SOX5: variants seen among roughly 807,000 people sequenced by gnomAD.
The protein encoded by SOX5 is SRY-box transcription factor 5, also known as transcription factor SOX-5.
SOX5 carries 9 observed loss-of-function variants against 92.0 expected under a neutral mutation model. That is an observed-to-expected ratio of 0.10 (90% confidence interval 0.06 to 0.17). The LOEUF (loss-of-function observed/expected upper bound fraction) is 0.17. SOX5 is among the 10% of genes least tolerant of loss of function. The probability of loss-of-function intolerance (pLI) is 1.00; values close to 1 mark genes in which losing one functional copy is unlikely to be tolerated. For missense variants in SOX5, 642 were observed against 944.5 expected (o/e 0.68, Z 4.20); for synonymous variants, 344 against 336.3 (o/e 1.02, Z -0.25).
intron 3 of SOX5, among the ~76,000 whole-genome samples, chr12:23,839,832 A>G (rs2096489748): frequency 6.6e-6 from 1 of 151,534 alleles, no homozygotes; most frequent in South Asian, 2.1e-4. Flanking sequence ...ACTTGGTAAA[A>G]AAAAAAAAAA....
At chr12:24,192,433 G>A (rs1365542581) in intron 4 of SOX5, among the ~76,000 whole-genome samples, 2 of 152,132 alleles carry the variant, frequency 1.3e-5, no homozygotes, top group Non-Finnish European at 2.9e-5. Flanking sequence ...TTCTGAACCA[G>A]ATGAAGTATC....
chr12:24,212,277 A>C (rs959143359), intron 4 of SOX5: 1 of 466,948 alleles, frequency 2.1e-6, no homozygotes, highest in African/African-American at 2.0e-5. Flanking sequence ...ATGCTAAAAC[A>C]TAACAAAATC....
At chr12:23,990,535 C>T (rs1395613919) in intron 4 of SOX5, among the ~76,000 whole-genome samples, 4 of 151,190 alleles carry the variant, frequency 2.6e-5, no homozygotes, top group Non-Finnish European at 5.9e-5. Context: ...AAAACTGCAT[C>T]GCATTCTCTG....
intron 4 of SOX5, among the ~76,000 whole-genome samples, chr12:23,963,488 C>T (rs1294790995): frequency 6.6e-6 from 1 of 152,054 alleles, no homozygotes. Flanking sequence ...GGGGAATGTC[C>T]TTGATCCTTG....
intron 2 of SOX5, among the ~76,000 whole-genome samples, chr12:24,288,912 C>T (rs948457831): frequency 1.7e-5 from 2 of 120,028 alleles, no homozygotes; most frequent in Non-Finnish European, 3.5e-5. Context: ...TTATTCTTTG[C>T]CACAGTTCAT....
At chr12:23,797,217 G>A (rs1317501285) in intron 3 of SOX5, among the ~76,000 whole-genome samples, 1 of 151,802 alleles carries the variant, frequency 6.6e-6, no homozygotes, top group African/African-American at 2.4e-5. Context: ...TTCAGACTAG[G>A]TATTGGTACA....
intron 1 of SOX5, among the ~76,000 whole-genome samples, chr12:24,419,776 G>A (rs958166647): frequency 2.0e-5 from 3 of 152,116 alleles, no homozygotes; most frequent in Non-Finnish European, 4.4e-5. Flanking sequence ...ACTTCTAAGG[G>A]AGTTACTGTA....
chr12:24,315,256 A>G (rs1166261459), intron 2 of SOX5, among the ~76,000 whole-genome samples: 1 of 152,250 alleles, frequency 6.6e-6, no homozygotes, highest in Non-Finnish European at 1.5e-5. Flanking sequence ...TGTAAAAAAT[A>G]GCTACAAAAT....
intron 4 of SOX5, among the ~76,000 whole-genome samples, chr12:24,063,657 C>T (rs1229734661): frequency 6.6e-6 from 1 of 152,166 alleles, no homozygotes; most frequent in Non-Finnish European, 1.5e-5. Context: ...ACAACCTTTA[C>T]ACAGATTGAG....
At position 24,014,580 on chromosome 12, in the gene SOX5, A is replaced by G. The variant is rs562644755; in HGVS notation, c.-1-118556T>C. Reference sequence around the variant, plus strand: ...ATGCAACTTGAATTGAGTAGTTAATAAGCCTTGATCTTGAGTGGATTCAAT... The same window carrying G: ...ATGCAACTTGAATTGAGTAGTTAATGAGCCTTGATCTTGAGTGGATTCAAT... On this transcript the variant is annotated intron_variant, in intron 4 of 4. Coordinates refer to the SOX5 transcript ENST00000446891. Among the ~76,000 whole-genome samples, 6 of 152,298 alleles carry G rather than the reference A, an allele frequency of 3.9e-5. No homozygotes were observed. The South Asian group carries it at 1.2e-3, about 32-fold the overall frequency.
chr12:24,492,717 G>A (rs925981144), intron 1 of SOX5, among the ~76,000 whole-genome samples: 16 of 152,062 alleles, frequency 1.1e-4, no homozygotes, highest in African/African-American at 3.6e-4. Context: ...TGATACTTAC[G>A]TATTTTGTTC....
intron 1 of SOX5, 124 bp from the exon 2 acceptor site, chr12:23,896,148 T>G: frequency 1.5e-6 from 1 of 663,826 alleles, no homozygotes; most frequent in African/African-American, 1.8e-5. Flanking sequence ...CAGGAAACCA[T>G]CCAAATACCA....
In SOX5 at chr12:23,767,863, A is replaced by T. The variant is rs144808987; in HGVS notation, c.482-12139T>A. On this transcript the variant is annotated intron_variant, in intron 3 of 14. Coordinates refer to ENST00000451604, the MANE Select transcript of SOX5 (RefSeq NM_006940.6). ...TATATAATAAATGATAAAGATACAG[A>T]TCTGTAGATTTATATCACCTAAATC... Among the ~76,000 whole-genome samples, 160 of 151,998 alleles carry T rather than the reference A, an allele frequency of 1.1e-3. 1 individual carries two copies. The highest frequency in any genetic ancestry group is 3.7e-3 in the African/African-American group (154 of 41,480).
At chr12:24,254,384 T>C (rs1940752514) in intron 3 of SOX5, among the ~76,000 whole-genome samples, 1 of 143,402 alleles carries the variant, frequency 7.0e-6, no homozygotes, top group Admixed American at 7.0e-5. Context: ...TTGTAAGTTG[T>C]AAAAAAAAAA....
chr12:24,183,011 G>A (rs767816697), intron 4 of SOX5, among the ~76,000 whole-genome samples: 1 of 152,264 alleles, frequency 6.6e-6, no homozygotes, highest in Non-Finnish European at 1.5e-5. Flanking sequence ...ACCACGGCTG[G>A]CCCAAAATTG....
chr12:23,560,837 T>A (rs1286708159), intron 11 of SOX5, among the ~76,000 whole-genome samples: 1 of 152,202 alleles, frequency 6.6e-6, no homozygotes, highest in Non-Finnish European at 1.5e-5. Flanking sequence ...AACCACAAAC[T>A]AGAGTAATAC....
At chr12:23,897,008 A>G (rs1313749549) in intron 1 of SOX5, among the ~76,000 whole-genome samples, 6 of 152,168 alleles carry the variant, frequency 3.9e-5, no homozygotes, top group Non-Finnish European at 5.9e-5. Flanking sequence ...TTTTCCTTTC[A>G]TTAAATTATT....
chr12:23,975,347 T>TA (rs1369141914), intron 4 of SOX5, among the ~76,000 whole-genome samples: 35 of 150,726 alleles, frequency 2.3e-4, no homozygotes, highest in Non-Finnish European at 4.1e-4. Context: ...ATACTTTTTT[T>TA]AAAAAAAAAA....
intron 1 of SOX5, among the ~76,000 whole-genome samples, chr12:24,462,010 G>A (rs763822813): frequency 2.2e-4 from 34 of 152,138 alleles, no homozygotes; most frequent in African/African-American, 7.2e-4. Context: ...CATTCTTACC[G>A]CACAGGATTA....
Sources: allele counts gnomAD v4.1 joint callset (sites outside exome capture counted in the v4.1 genomes callset), GRCh38; gene constraint gnomAD v4.1.1; transcripts MANE v1.5; gene names NCBI Gene and HGNC (gene_info 2026-07-23, HGNC 2026-07-21).